The following DAB1 variants were observed in gnomAD, a reference collection of about 807,000 sequenced individuals.
The protein encoded by DAB1 is disabled homolog 1.
A neutral mutation model predicts 64.6 loss-of-function variants in DAB1; 15 were observed. That is an observed-to-expected ratio of 0.23 (90% CI 0.16 to 0.36). The LOEUF is 0.36. Among genes scored for constraint, DAB1 ranks in the 10% least tolerant of loss-of-function variants. The pLI, the probability that DAB1 is intolerant of heterozygous loss-of-function variation, is 1.00. For missense variants in DAB1, 596 were observed against 706.7 expected (o/e 0.84, Z 1.78); for synonymous variants, 235 against 251.9 (o/e 0.93, Z 0.64).
chr1:58,249,551 G>T (rs931694450), intron 4 of DAB1, among the ~76,000 whole-genome samples: 1 of 152,130 alleles, frequency 6.6e-6, no homozygotes, highest in Non-Finnish European at 1.5e-5. Flanking sequence ...CCCCTGGCCA[G>T]CTTGCCTGGT....
At chr1:58,337,835 T>C (rs1435522450) in intron 4 of DAB1, among the ~76,000 whole-genome samples, 1 of 152,170 alleles carries the variant, frequency 6.6e-6, no homozygotes, top group Non-Finnish European at 1.5e-5. Flanking sequence ...ATGGTAGGTG[T>C]TCAATAAATG....
chr1:57,365,885 A>G (rs575621326), intron 1 of DAB1, among the ~76,000 whole-genome samples: 4 of 152,356 alleles, frequency 2.6e-5, no homozygotes, highest in African/African-American at 9.6e-5. Context: ...ACTGTAAGCA[A>G]TGAGAAACTG....
rs538568973 is a variant in DAB1, at chr1:58,023,299, C to T, written n.387+127212G>A. On this transcript the variant is annotated intron_variant and non_coding_transcript_variant, in intron 5 of 20. Coordinates refer to the DAB1 transcript ENST00000485760. ...CCCCCAGCCCACAGCCAGAAACACA[C>T]ATCCCTCTTCTAATGCTTAAAGTAA... is the stretch of plus-strand genomic sequence containing the variant. Among the ~76,000 whole-genome samples the T allele has an allele frequency of 5.3e-5, 8 of 152,234 alleles. 1 individual carries two copies. In the South Asian group the frequency reaches 1.5e-3, roughly 28 times the overall value.
chr1:57,562,150 A>C (rs536723609), intron 7 of DAB1, among the ~76,000 whole-genome samples: 32 of 152,308 alleles, frequency 2.1e-4, no homozygotes, highest in Non-Finnish European at 4.4e-4. Flanking sequence ...AGGCAGGTGG[A>C]CTACCTGAGT....
intron 7 of DAB1, among the ~76,000 whole-genome samples, chr1:57,481,358 C>G (rs1321630911): frequency 1.3e-5 from 2 of 152,182 alleles, no homozygotes; most frequent in Admixed American, 6.5e-5. Context: ...CCCAACACCT[C>G]TCTCATTCTT....
intron 3 of DAB1, among the ~76,000 whole-genome samples, chr1:58,416,299 A>G (rs1644719256): frequency 6.6e-6 from 1 of 152,194 alleles, no homozygotes. Context: ...TCCCAGCTGC[A>G]TGACCCCAAA....
chr1:57,795,272 G>A (rs193188085), intron 6 of DAB1, among the ~76,000 whole-genome samples: 2 of 152,240 alleles, frequency 1.3e-5, no homozygotes, highest in Admixed American at 6.5e-5. Flanking sequence ...TGTTAGCAGA[G>A]ACATCTATTT....
At chr1:57,606,648 A>G (rs1297077811) in intron 7 of DAB1, among the ~76,000 whole-genome samples, 1 of 97,572 alleles carries the variant, frequency 1.0e-5, no homozygotes, top group African/African-American at 4.9e-5. Flanking sequence ...TATGAAATAT[A>G]TATTATGTAT....
At position 58,219,930 on chromosome 1, in the gene DAB1, G is replaced by A. The variant is rs115011673; in HGVS notation, n.310-69342C>T. On this transcript the variant is annotated intron_variant and non_coding_transcript_variant, in intron 4 of 20. Coordinates refer to the DAB1 transcript ENST00000485760. The stretch of plus-strand genomic sequence containing the variant: ...ACAATAGGCTTTTTATTTAGCAGGC[G>A]TACAGCCAATACATTTTTGTTGAAT... Among the ~76,000 whole-genome samples the A allele has an allele frequency of 4.9e-3, 747 of 152,302 alleles. 8 individuals carry two copies. The highest frequency in any genetic ancestry group is 0.017 in the African/African-American group (710 of 41,550).
chr1:57,057,857 C>T (rs1039013396), intron 9 of DAB1, among the ~76,000 whole-genome samples: 23 of 152,084 alleles, frequency 1.5e-4, no homozygotes, highest in Non-Finnish European at 2.8e-4. Flanking sequence ...ATCCGCCCGC[C>T]TTGGCCTCCC....
At chr1:58,488,863 G>T (rs1265290019) in intron 3 of DAB1, among the ~76,000 whole-genome samples, 1 of 152,178 alleles carries the variant, frequency 6.6e-6, no homozygotes, top group African/African-American at 2.4e-5. Context: ...CCACTTATCA[G>T]TGAGAACATA....
At chr1:57,235,895 C>T (rs775018735) in intron 2 of DAB1, among the ~76,000 whole-genome samples, 1 of 152,230 alleles carries the variant, frequency 6.6e-6, no homozygotes, top group Non-Finnish European at 1.5e-5. Context: ...TTATGGTCCA[C>T]TCCATTAGGA....
intron 4 of DAB1, among the ~76,000 whole-genome samples, chr1:57,113,400 T>C (rs1376741115): frequency 6.6e-6 from 1 of 152,186 alleles, no homozygotes; most frequent in Non-Finnish European, 1.5e-5. Flanking sequence ...TACAAAGACC[T>C]TAAGTAATTT....
chr1:57,089,156 G>C (rs578219245), intron 4 of DAB1, among the ~76,000 whole-genome samples: 41 of 152,294 alleles, frequency 2.7e-4, no homozygotes, highest in Middle Eastern at 3.4e-3. Context: ...GCTTAGCATC[G>C]TGTCCAGAAT....
chr1:57,770,475 C>T (rs1155492), intron 6 of DAB1, among the ~76,000 whole-genome samples: 58,283 of 151,692 alleles, frequency 0.38, 11,684 homozygotes, highest in East Asian at 0.62. Context: ...GCTATGTTGC[C>T]CAGGCTGGCC....
chr1:58,370,716 G>T (rs1483553707), intron 3 of DAB1, among the ~76,000 whole-genome samples: 1 of 152,064 alleles, frequency 6.6e-6, no homozygotes, highest in African/African-American at 2.4e-5. Flanking sequence ...TTGAATCATG[G>T]GGCAGTTTCC....
At chr1:57,751,834 T>TAATAAATA (rs58928224) in intron 6 of DAB1, among the ~76,000 whole-genome samples, 18,230 of 150,772 alleles carry the variant, frequency 0.12, 1,442 homozygotes, top group African/African-American at 0.23. Flanking sequence ...ATTCTTTACT[T>TAATAAATA]AATAAATAAA....
chr1:57,371,435 T>A (rs1180047949), intron 1 of DAB1, among the ~76,000 whole-genome samples: 1 of 152,212 alleles, frequency 6.6e-6, no homozygotes, highest in East Asian at 1.9e-4. Context: ...ATTCAGACAC[T>A]GGGATATAAA....
intron 4 of DAB1, among the ~76,000 whole-genome samples, chr1:58,153,392 C>T (rs1246909482): frequency 1.3e-5 from 2 of 152,092 alleles, no homozygotes; most frequent in African/African-American, 4.8e-5. Context: ...CAGGTCATAC[C>T]CAGGCTGCTG....
Sources: gnomAD v4.1 joint callset for allele counts (sites outside exome capture counted in the v4.1 genomes callset) on GRCh38, gnomAD v4.1.1 for gene constraint, MANE v1.5 for transcripts, NCBI Gene and HGNC (gene_info 2026-07-23, HGNC 2026-07-21) for gene names.